The following TTC23L variants were observed in gnomAD, a reference collection of about 807,000 sequenced individuals.
TTC23L encodes the protein tetratricopeptide repeat domain 23 like, also known as tetratricopeptide repeat protein 23-like.
A neutral mutation model predicts 48.1 loss-of-function variants in TTC23L; 42 were observed. The observed-to-expected ratio is 0.87, with a 90% confidence interval of 0.68 to 1.13. TTC23L has a LOEUF of 1.13. Ranked by LOEUF, TTC23L falls within the 50% of genes most tolerant of loss-of-function variation. The pLI is 0.00. For synonymous variants in TTC23L, 159 were observed against 157.2 expected (o/e 1.01, Z -0.09); for missense variants, 391 against 421.0 (o/e 0.93, Z 0.62).
At chr5:34,854,912 A>G (rs942185520) in intron 4 of TTC23L, among the ~76,000 whole-genome samples, 1 of 152,232 alleles carries the variant, frequency 6.6e-6, no homozygotes, top group Non-Finnish European at 1.5e-5. Context: ...ATTGATTTAA[A>G]TAATGGGCTT....
At chr5:34,843,900 C>T (rs531427827) in intron 2 of TTC23L, among the ~76,000 whole-genome samples, 2 of 152,208 alleles carry the variant, frequency 1.3e-5, no homozygotes, top group South Asian at 2.1e-4. Context: ...CAGCCCCTGC[C>T]GTATTGGAGT....
At chr5:34,925,519 TTC>T in the TTC23L span, 1 of 1,586,992 alleles carries the variant, frequency 6.3e-7, no homozygotes, top group South Asian at 1.2e-5. Context: ...TGATTTGTTT[TTC>T]AGTTACTTTA....
At chr5:34,894,226 T>C (rs1763058490) in intron 9 of TTC23L, among the ~76,000 whole-genome samples, 1 of 152,126 alleles carries the variant, frequency 6.6e-6, no homozygotes, top group Non-Finnish European at 1.5e-5. Context: ...TATACAAATA[T>C]ACACCTATAC....
At chr5:34,918,480 CT>C in the TTC23L span, 1 of 1,537,214 alleles carries the variant, frequency 6.5e-7, no homozygotes, top group Non-Finnish European at 8.9e-7. Flanking sequence ...AAGCAGGTGC[CT>C]TTATATCATA....
chr5:34,851,030 A>G (rs1283547956), intron 4 of TTC23L, among the ~76,000 whole-genome samples: 1 of 152,006 alleles, frequency 6.6e-6, no homozygotes, highest in Non-Finnish European at 1.5e-5. Context: ...TCACCGTGGA[A>G]CTCATTGTAC....
the TTC23L span, chr5:34,909,106 C>A: frequency 1.2e-5 from 10 of 850,464 alleles, no homozygotes; most frequent in Non-Finnish European, 1.1e-5. Flanking sequence ...TGTTAGAACC[C>A]TACATCCCCT....
intron 10 of TTC23L, among the ~76,000 whole-genome samples, chr5:34,897,570 G>A (rs1443984637): frequency 6.6e-6 from 1 of 152,106 alleles, no homozygotes; most frequent in South Asian, 2.1e-4. Context: ...TGATCCTCCC[G>A]CCTCAGCCTC....
At chr5:34,896,632 G>GT in intron 9 of TTC23L, 138 bp from the exon 10 acceptor site, 1 of 701,316 alleles carries the variant, frequency 1.4e-6, no homozygotes, top group Non-Finnish European at 2.6e-6. Flanking sequence ...ACATTCTAGT[G>GT]TAAGAGAAAA....
chr5:34,868,764 T>A, intron 7 of TTC23L, 141 bp from the exon 8 acceptor site: 1 of 688,334 alleles, frequency 1.5e-6, no homozygotes, highest in Non-Finnish European at 2.6e-6. Context: ...ATATATTCCT[T>A]CTACGAATGA....
chr5:34,874,305 G>T (rs1371173347), intron 8 of TTC23L, among the ~76,000 whole-genome samples: 1 of 152,126 alleles, frequency 6.6e-6, no homozygotes, highest in Non-Finnish European at 1.5e-5. Flanking sequence ...CACTGGAGAA[G>T]AAATGTGATC....
chr5:34,871,293 A>G (rs940729944), intron 8 of TTC23L, among the ~76,000 whole-genome samples: 2 of 151,880 alleles, frequency 1.3e-5, no homozygotes, highest in South Asian at 4.2e-4. Flanking sequence ...GGAAACAAAA[A>G]TTTAAAAAAA....
chr5:34,888,454 G>C, intron 9 of TTC23L: 1 of 984,962 alleles, frequency 1.0e-6, no homozygotes, highest in Non-Finnish European at 1.2e-6. Context: ...ACCTCACCTA[G>C]TGTCTGATGA....
chr5:34,882,198 A>G (rs1762265941), intron 9 of TTC23L, among the ~76,000 whole-genome samples: 1 of 152,192 alleles, frequency 6.6e-6, no homozygotes, highest in Admixed American at 6.5e-5. Context: ...TGGTTGTGAC[A>G]AACCACCAGT....
chr5:34,922,682 G>T, the TTC23L span: 1 of 1,611,664 alleles, frequency 6.2e-7, no homozygotes, highest in Non-Finnish European at 8.5e-7. Flanking sequence ...TGTTTTTGTT[G>T]TAATTTTTCT....
At chr5:34,847,480 GTT>G (rs3996923) in intron 3 of TTC23L, among the ~76,000 whole-genome samples, 103,841 of 146,274 alleles carry the variant, frequency 0.71, 36,621 homozygotes, top group African/African-American at 0.77. Flanking sequence ...CAATAACGCT[GTT>G]TTTTTTTTTT....
At chr5:34,839,779 G>C in intron 1 of TTC23L, 2 of 356,824 alleles carry the variant, frequency 5.6e-6, no homozygotes, top group Non-Finnish European at 7.8e-6. Flanking sequence ...TAAGCGACTG[G>C]CATAGCCTTC....
chr5:34,902,931 A>G (rs1763543829), downstream of TTC23L, among the ~76,000 whole-genome samples: 1 of 149,384 alleles, frequency 6.7e-6, no homozygotes, highest in Non-Finnish European at 1.5e-5. Flanking sequence ...TCACATACGT[A>G]GTTGAAAATA....
intron 6 of TTC23L, among the ~76,000 whole-genome samples, chr5:34,865,835 A>G (rs2150404166): frequency 6.6e-6 from 1 of 152,348 alleles, no homozygotes; most frequent in East Asian, 1.9e-4. Context: ...GCAAGACACC[A>G]CCACACCTGG....
intron 8 of TTC23L, among the ~76,000 whole-genome samples, chr5:34,870,614 C>G (rs559699265): frequency 6.6e-4 from 101 of 152,194 alleles, no homozygotes; most frequent in African/African-American, 2.2e-3. Context: ...CAGTATTACC[C>G]TGATATCAAA....
Sources: allele counts gnomAD v4.1 joint callset (sites outside exome capture counted in the v4.1 genomes callset), GRCh38; gene constraint gnomAD v4.1.1; transcripts MANE v1.5; gene names NCBI Gene and HGNC (gene_info 2026-07-23, HGNC 2026-07-21).